Variants in KLF9 observed in about 807,000 individuals in gnomAD.
The protein encoded by KLF9 is KLF transcription factor 9.
Under a neutral mutation model 17.3 loss-of-function variants are expected in KLF9, and 2 were observed. The observed-to-expected ratio is 0.12, with a 90% CI of 0.05 to 0.36. The LOEUF (loss-of-function observed/expected upper bound fraction) is 0.36, where lower values mean the gene tolerates loss of function less well. Ranked by LOEUF, KLF9 falls within the 10% of genes least tolerant of loss-of-function variation. KLF9 has a pLI of 1.00. For synonymous variants in KLF9, 138 were observed against 139.2 expected (o/e 0.99, Z 0.06); for missense variants, 226 against 333.2 (o/e 0.68, Z 2.51).
intron 1 of KLF9, among the ~76,000 whole-genome samples, chr9:70,395,504 A>G (rs2037177568): frequency 6.6e-6 from 1 of 152,230 alleles, no homozygotes; most frequent in Non-Finnish European, 1.5e-5. Context: ...ATATAAGTAG[A>G]AAAATTTAAG....
intron 1 of KLF9, among the ~76,000 whole-genome samples, chr9:70,411,943 A>G (rs1027540768): frequency 6.6e-6 from 1 of 152,156 alleles, no homozygotes; most frequent in Non-Finnish European, 1.5e-5. Context: ...GTTAAACACA[A>G]CCAACAGAAT....
intron 1 of KLF9, among the ~76,000 whole-genome samples, chr9:70,405,975 G>A (rs1000778842): frequency 1.3e-5 from 2 of 152,178 alleles, no homozygotes; most frequent in Non-Finnish European, 2.9e-5. Context: ...CTGTTAAAGA[G>A]AGTGCTGCTC....
chr9:70,392,940 A>C (rs2037161271), intron 1 of KLF9, among the ~76,000 whole-genome samples: 1 of 152,188 alleles, frequency 6.6e-6, no homozygotes, highest in African/African-American at 2.4e-5. Flanking sequence ...TGGCCTTCAC[A>C]GGAAAACACA....
intron 1 of KLF9, among the ~76,000 whole-genome samples, chr9:70,389,147 A>G (rs75336319): frequency 6.3e-5 from 9 of 142,600 alleles, no homozygotes; most frequent in African/African-American, 2.2e-4. Flanking sequence ...TCTCAAAAAG[A>G]AAAAAAAAAA....
rs1183766121 is a variant in KLF9, at chr9:70,385,178, G to A, written c.*2598C>T. ...TGGATTTTCATAAGTTAAATCCATG[G>A]TCTTTTTAATATAAAAAGTAATTGT... On this transcript the variant is annotated 3_prime_UTR_variant, in exon 2 of 2. Coordinates refer to ENST00000377126, the MANE Select transcript of KLF9 (RefSeq NM_001206.4). The A allele has an allele frequency of 6.6e-6, 1 of 152,462 alleles. No individual in the cohort carries two copies. Among genetic ancestry groups the A allele is most frequent in the Admixed American group, 6.6e-5 (1 of 15,264 alleles). 9.4% of individuals were successfully genotyped at this position (152,462 alleles called of 1,614,324 possible).
In KLF9 at chr9:70,387,752, T is replaced by TG; in HGVS notation, c.*23_*24insC. ...CTTTTCTCCTTTCGGGGTCCATCCC[T>TG]CCCTGGCTTCCACGGGCAGCACCTC... is the stretch of plus-strand genomic sequence containing the variant. On this transcript the variant is annotated 3_prime_UTR_variant, in exon 2 of 2. Transcript: ENST00000377126. 2 of 1,607,618 alleles carry TG rather than the reference T, an allele frequency of 1.2e-6. No individual in the cohort carries two copies. Among genetic ancestry groups the TG allele is most frequent in the Middle Eastern group, 1.7e-4 (1 of 6,046 alleles).
Position 70,412,923 on chromosome 9 carries a change from G to A in KLF9, c.441C>T (p.Tyr147=). The A allele has an allele frequency of 2.5e-6, 4 of 1,613,808 alleles. No homozygotes were observed. The highest frequency in any genetic ancestry group is 2.5e-6 in the Non-Finnish European group (3 of 1,179,820). ...HASEKRHKCP[Y]SGCGKVYGKS... ...TTCCATAGACTTTCCCACAGCCACT[G>A]TAGGGGCACTTGTGCCTCTTTTCGG... The change falls in exon 1 of 2, where the codon TAC becomes TAT. Residue 147 remains tyrosine (Y), a synonymous_variant. Coordinates refer to ENST00000377126, the MANE Select transcript of KLF9 (RefSeq NM_001206.4).
intron 1 of KLF9, among the ~76,000 whole-genome samples, chr9:70,408,953 T>A (rs1201087539): frequency 1.4e-5 from 2 of 146,934 alleles, no homozygotes; most frequent in East Asian, 3.9e-4. Flanking sequence ...CCCCCACCTC[T>A]CCTGGTTTTT....
chr9:70,398,196 G>A (rs562676544), intron 1 of KLF9, among the ~76,000 whole-genome samples: 3 of 152,222 alleles, frequency 2.0e-5, no homozygotes, highest in Non-Finnish European at 1.5e-5. Flanking sequence ...TTTGGCTTCC[G>A]TTTATATTGT....
chr9:70,401,924 A>C (rs1200350814), intron 1 of KLF9, among the ~76,000 whole-genome samples: 1 of 151,960 alleles, frequency 6.6e-6, no homozygotes. Flanking sequence ...CTGAGGCAGG[A>C]GAATTGCTTG....
At position 70,413,307 on chromosome 9, in the gene KLF9, C is replaced by A; in HGVS notation, c.57G>T (p.Ser19=). 1 of 1,605,926 alleles carries A rather than the reference C, an allele frequency of 6.2e-7. No homozygotes were observed. Among genetic ancestry groups the A allele is most frequent in the Non-Finnish European group, 8.5e-7 (1 of 1,176,876 alleles). The change falls in exon 1 of 2, where the codon TCG becomes TCT. Residue 19 remains serine, a synonymous_variant. Coordinates refer to ENST00000377126, the MANE Select transcript of KLF9 (RefSeq NM_001206.4). The surrounding 1 kb of genome is among the most constrained non-coding windows in gnomAD (Gnocchi z 5.6). ...CATGCTCCGGCACCGCAGCGCGGTT[C>A]GAAATGGAAACCAGACACTGGGCAG... The part of the protein sequence containing the change: ...FVAAQCLVSI[S]NRAAVPEHGV...
intron 1 of KLF9, among the ~76,000 whole-genome samples, chr9:70,399,127 A>G (rs1166390653): frequency 1.3e-5 from 2 of 152,224 alleles, no homozygotes; most frequent in African/African-American, 4.8e-5. Flanking sequence ...GAGACACTGC[A>G]CCTGGCCAAG....
chr9:70,387,199 GT>G lies in KLF9; in HGVS notation c.*576del, dbSNP rs563379794. ...TGCATAAAGACAGCTGTGCTATGGC[GT>G]TTTTTTTTTTAATCTCAAAAGTTAA... is the stretch of plus-strand genomic sequence containing the variant. On this transcript the variant is annotated 3_prime_UTR_variant, in exon 2 of 2. Transcript: ENST00000377126. 172 of 147,086 alleles carry G rather than the reference GT, an allele frequency of 1.2e-3. No homozygotes were observed. Among genetic ancestry groups the G allele is most frequent in the South Asian group, 1.3e-3 (6 of 4,700 alleles). 9.1% of individuals were successfully genotyped at this position (147,086 alleles called of 1,614,324 possible).
chr9:70,397,207 T>G (rs2037186447), intron 1 of KLF9, among the ~76,000 whole-genome samples: 1 of 151,944 alleles, frequency 6.6e-6, no homozygotes, highest in Non-Finnish European at 1.5e-5. Context: ...GGCTCACACT[T>G]GTAAACACCT....
chr9:70,388,088 G>A (rs1437272738), intron 1 of KLF9, 83 bp from the exon 2 acceptor site: 5 of 1,051,162 alleles, frequency 4.8e-6, no homozygotes, highest in Admixed American at 2.1e-5. Context: ...TAGTCCCTAC[G>A]ACTCAAAGGA....
chr9:70,388,851 G>A (rs1257577287), intron 1 of KLF9, among the ~76,000 whole-genome samples: 1 of 152,140 alleles, frequency 6.6e-6, no homozygotes, highest in East Asian at 1.9e-4. Flanking sequence ...CTAGAAGTAA[G>A]TTTGTGCCAG....
chr9:70,401,686 C>CAAAAAAAAAAA (rs34988097), intron 1 of KLF9, among the ~76,000 whole-genome samples: 6 of 66,194 alleles, frequency 9.1e-5, no homozygotes, highest in African/African-American at 2.1e-4. Context: ...GACTCCTTCA[C>CAAAAAAAAAAA]AAAAAAAAAA....
intron 1 of KLF9, among the ~76,000 whole-genome samples, chr9:70,409,215 T>C (rs1346778679): frequency 1.5e-4 from 20 of 133,744 alleles, no homozygotes; most frequent in African/African-American, 5.0e-4. Flanking sequence ...TATATATACA[T>C]ATATGTATAT....
intron 1 of KLF9, among the ~76,000 whole-genome samples, chr9:70,390,466 C>G (rs920282083): frequency 1.3e-5 from 2 of 152,120 alleles, no homozygotes; most frequent in African/African-American, 2.4e-5. Flanking sequence ...TCTGCAACTT[C>G]CATTAGATAA....
Sources: gnomAD v4.1 joint callset for allele counts (sites outside exome capture counted in the v4.1 genomes callset) on GRCh38, gnomAD v4.1.1 for gene constraint, Gnocchi (gnomAD v3.1) non-coding constraint, MANE v1.5 for transcripts, NCBI Gene and HGNC (gene_info 2026-07-23, HGNC 2026-07-21) for gene names.